CSMD3: variants seen among roughly 807,000 people sequenced by gnomAD.
CSMD3 encodes CUB and Sushi multiple domains 3, also known as CUB and sushi domain-containing protein 3.
Under a neutral mutation model 435.2 loss-of-function variants are expected in CSMD3, and 177 were observed. The ratio of observed to expected loss-of-function variants is 0.41; its 90% CI spans 0.36 to 0.46. CSMD3 has a LOEUF of 0.46. Among genes scored for constraint, CSMD3 ranks in the 20% least tolerant of loss-of-function variants. The pLI is 0.34. For synonymous variants in CSMD3, 1,656 were observed against 1,520.5 expected (o/e 1.09, Z -2.07); for missense variants, 4,265 against 4,504.6 (o/e 0.95, Z 1.52).
intron 1 of CSMD3, among the ~76,000 whole-genome samples, chr8:113,421,338 A>C (rs2094607876): frequency 6.6e-6 from 1 of 152,208 alleles, no homozygotes; most frequent in South Asian, 2.1e-4. Flanking sequence ...ATGAAGAAGC[A>C]GACAAATTAA....
In CSMD3 at chr8:113,249,838, GA is replaced by G. The variant is rs879277595; in HGVS notation, c.514+28753del. Among the ~76,000 whole-genome samples the G allele has an allele frequency of 6.6e-3, 935 of 140,868 alleles. 6 individuals are homozygous for G. The highest frequency in any genetic ancestry group is 0.019 in the African/African-American group (721 of 38,784). The allele number at this position is 140,868 out of a possible 152,430, so 92.4% of individuals were successfully genotyped here. A position where few individuals can be genotyped will look rare whatever the true frequency, so the allele number is the denominator to read the frequency against. On this transcript the variant is annotated intron_variant, in intron 3 of 70. Coordinates refer to ENST00000297405, the MANE Select transcript of CSMD3 (RefSeq NM_198123.2). ...AGTAATCTATGGCAATAGTATTCAA[GA>G]AAAAAAAAAACAACAATTTAAAGAC...
In CSMD3 at chr8:112,406,737, A is replaced by C; in HGVS notation, c.5606-10T>G. On this transcript the variant is annotated splice_polypyrimidine_tract_variant and intron_variant, in intron 34 of 70. Transcript: ENST00000297405. ...CTTGTTCTAGGAACAGCTGTGTAGAAATATTATATTTATTTTAATTTTATA... is the reference window on the plus strand; with the variant it reads ...CTTGTTCTAGGAACAGCTGTGTAGACATATTATATTTATTTTAATTTTATA... 6.5e-7 allele frequency: 1 copy of C among 1,528,818 alleles called. No individual in the cohort carries two copies. The highest frequency in any genetic ancestry group is 9.0e-7 in the Non-Finnish European group (1 of 1,115,810). 94.7% of individuals were successfully genotyped at this position (1,528,818 alleles called of 1,614,324 possible).
At chr8:112,371,597 C>T (rs1828394926) in intron 38 of CSMD3, among the ~76,000 whole-genome samples, 1 of 152,002 alleles carries the variant, frequency 6.6e-6, no homozygotes, top group South Asian at 2.1e-4. Context: ...AAGATAAAAA[C>T]AAATGACAAA....
In CSMD3 at chr8:112,560,008, A is replaced by G. The variant is rs190368605; in HGVS notation, c.4043-3054T>C. ...TCAAAAAGAGATCTACATAACTTTT[A>G]TAGGCATAGATTCTTGACCAAATTA... On this transcript the variant is annotated intron_variant, in intron 24 of 70. Coordinates refer to ENST00000297405, the MANE Select transcript of CSMD3 (RefSeq NM_198123.2). Among the ~76,000 whole-genome samples the G allele has an allele frequency of 4.6e-5, 7 of 151,970 alleles. No individual in the cohort carries two copies. In the East Asian group the frequency reaches 1.2e-3, roughly 25 times the overall value.
intron 3 of CSMD3, among the ~76,000 whole-genome samples, chr8:113,218,380 A>T (rs1421898181): frequency 6.6e-6 from 1 of 150,838 alleles, no homozygotes; most frequent in Non-Finnish European, 1.5e-5. Flanking sequence ...TACATCTAAA[A>T]ATATCTGAAA....
intron 1 of CSMD3, among the ~76,000 whole-genome samples, chr8:113,367,301 T>C (rs1320185737): frequency 1.3e-5 from 2 of 152,046 alleles, no homozygotes; most frequent in African/African-American, 4.8e-5. Context: ...TTCTTTTTTA[T>C]AGGTTTAATT....
intron 8 of CSMD3, among the ~76,000 whole-genome samples, chr8:112,952,434 T>C (rs2083853751): frequency 6.6e-6 from 1 of 151,686 alleles, no homozygotes; most frequent in Non-Finnish European, 1.5e-5. Context: ...ATAAAAACTT[T>C]CTTTTTAATT....
intron 38 of CSMD3, among the ~76,000 whole-genome samples, chr8:112,372,270 A>C (rs1282612352): frequency 6.6e-6 from 1 of 152,178 alleles, no homozygotes; most frequent in Non-Finnish European, 1.5e-5. Flanking sequence ...AAGTGGGGGA[A>C]TATTACAAAA....
intron 22 of CSMD3, among the ~76,000 whole-genome samples, chr8:112,611,102 G>A (rs1484432666): frequency 6.6e-6 from 1 of 152,168 alleles, no homozygotes; most frequent in South Asian, 2.1e-4. Context: ...AACAAAATCA[G>A]TATGTGAACA....
At chr8:112,493,215 T>A in intron 30 of CSMD3, among the ~76,000 whole-genome samples, 1 of 152,258 alleles carries the variant, frequency 6.6e-6, no homozygotes, top group South Asian at 2.1e-4. Flanking sequence ...GATCTTCTCA[T>A]TAAATTTAGT....
chr8:112,992,636 T>C (rs549963098), intron 6 of CSMD3, among the ~76,000 whole-genome samples: 11 of 152,032 alleles, frequency 7.2e-5, no homozygotes, highest in African/African-American at 2.4e-4. Flanking sequence ...AGTGACTGAA[T>C]AATAAGTATT....
intron 3 of CSMD3, among the ~76,000 whole-genome samples, chr8:113,223,625 A>ATATG: frequency 7.0e-6 from 1 of 141,920 alleles, no homozygotes; most frequent in South Asian, 2.1e-4. Flanking sequence ...AAGTATACAT[A>ATATG]TATATATATA....
intron 10 of CSMD3, among the ~76,000 whole-genome samples, chr8:112,880,600 C>G (rs1438985900): frequency 6.6e-6 from 1 of 152,024 alleles, no homozygotes; most frequent in Admixed American, 6.6e-5. Context: ...CAGAAAAACT[C>G]TGGAATTCCC....
intron 61 of CSMD3, among the ~76,000 whole-genome samples, chr8:112,261,774 T>C (rs1400365017): frequency 6.6e-6 from 1 of 152,096 alleles, no homozygotes; most frequent in African/African-American, 2.4e-5. Context: ...CCACCCATCA[T>C]GAGTCTATAG....
At chr8:112,246,417 A>G (rs1814727771) in intron 64 of CSMD3, among the ~76,000 whole-genome samples, 1 of 152,246 alleles carries the variant, frequency 6.6e-6, no homozygotes, top group South Asian at 2.1e-4. Flanking sequence ...GAGAGAAAGA[A>G]AAGCCAAATA....
rs558258336 is a variant in CSMD3 at position 112,295,314 on chromosome 8, T to C, written c.8614+519A>G. On this transcript the variant is annotated intron_variant, in intron 54 of 70. Coordinates refer to ENST00000297405, the MANE Select transcript of CSMD3 (RefSeq NM_198123.2). ...TAGCTCACATAATCATCAGAGGACC[T>C]GAAATGAGAGCAAAGGTTCTTCATG... Among the ~76,000 whole-genome samples the C allele has an allele frequency of 3.9e-5, 6 of 152,226 alleles. No individual in the cohort carries two copies. In the East Asian group the frequency reaches 9.6e-4, roughly 24 times the overall value.
intron 27 of CSMD3, among the ~76,000 whole-genome samples, chr8:112,521,308 C>A (rs1824258667): frequency 6.6e-6 from 1 of 151,882 alleles, no homozygotes; most frequent in Non-Finnish European, 1.5e-5. Flanking sequence ...GTCAGTCTTT[C>A]CTCTATTCCA....
intron 1 of CSMD3, among the ~76,000 whole-genome samples, chr8:113,387,445 C>A (rs2094443956): frequency 6.6e-6 from 1 of 151,600 alleles, no homozygotes; most frequent in Non-Finnish European, 1.5e-5. Flanking sequence ...CCACATGAGG[C>A]AATGAAGGAA....
intron 53 of CSMD3, among the ~76,000 whole-genome samples, chr8:112,298,664 T>G (rs533679532): frequency 6.8e-4 from 103 of 152,220 alleles, no homozygotes; most frequent in Non-Finnish European, 8.4e-4. Context: ...ACTTTACCAC[T>G]TCACAAAGGA....
Sources: gnomAD v4.1 joint callset for allele counts (sites outside exome capture counted in the v4.1 genomes callset) on GRCh38, gnomAD v4.1.1 for gene constraint, MANE v1.5 for transcripts, NCBI Gene and HGNC (gene_info 2026-07-23, HGNC 2026-07-21) for gene names.